The following MPPED1 variants were observed in gnomAD, a reference collection of about 807,000 sequenced individuals.
MPPED1 encodes metallophosphoesterase domain containing 1, also known as metallophosphoesterase domain-containing protein 1.
Under a neutral mutation model 36.2 loss-of-function variants are expected in MPPED1, and 16 were observed. The ratio of observed to expected loss-of-function variants is 0.44; its 90% confidence interval spans 0.30 to 0.67. The LOEUF is 0.67. Ranked by LOEUF, MPPED1 falls within the 30% of genes least tolerant of loss-of-function variation. MPPED1 has a pLI of 0.10. For missense variants in MPPED1, 307 were observed against 453.4 expected, an observed-to-expected ratio of 0.68 and a Z score of 2.93; for synonymous variants, 199 against 191.3, an observed-to-expected ratio of 1.04 and a Z score of -0.33.
Position 43,474,216 on chromosome 22 carries a change from G to A in MPPED1, c.407-520G>A, listed in dbSNP as rs775008165. Reference sequence around the variant, plus strand: ...CTAGGGCTGGGGATGCAGCGTGGGGGTCTTCTTCCAGTAGAAAACTAGTCC... The same window carrying A: ...CTAGGGCTGGGGATGCAGCGTGGGGATCTTCTTCCAGTAGAAAACTAGTCC... On this transcript the variant is annotated intron_variant, in intron 3 of 6. Coordinates refer to ENST00000443721, the MANE Select transcript of MPPED1 (RefSeq NM_001044370.2). The surrounding 1 kb of genome is among the most constrained non-coding windows in gnomAD (Gnocchi z 5.2). Among the ~76,000 whole-genome samples the A allele has an allele frequency of 1.8e-4, 27 of 152,156 alleles. No individual in the cohort carries two copies. Among genetic ancestry groups the A allele is most frequent in the Non-Finnish European group, 3.7e-4 (25 of 68,036 alleles).
chr22:43,500,417 GGTGGTAATGGA>G, intron 5 of MPPED1, among the ~76,000 whole-genome samples: 1 of 151,194 alleles, frequency 6.6e-6, no homozygotes, highest in Non-Finnish European at 1.5e-5. Flanking sequence ...TGGTGATGGA[GGTGGTAATGGA>G]GGTGGTGGTG....
intron 3 of MPPED1, among the ~76,000 whole-genome samples, chr22:43,443,062 G>A (rs1253850685): frequency 6.6e-6 from 1 of 152,210 alleles, no homozygotes; most frequent in East Asian, 1.9e-4. Flanking sequence ...GTCATAGGTG[G>A]TAAATAGCAA....
intron 3 of MPPED1, among the ~76,000 whole-genome samples, chr22:43,471,718 G>T (rs954673514): frequency 6.6e-6 from 1 of 152,198 alleles, no homozygotes; most frequent in African/African-American, 2.4e-5. Flanking sequence ...ACCATGCCTG[G>T]TCGCACTGTG....
rs967872287 is a variant in MPPED1 at position 43,502,443 on chromosome 22, G to A, written c.749-201G>A. 2.6e-5 allele frequency among the ~76,000 whole-genome samples: 4 copies of A among 152,336 alleles called. No homozygotes were observed. Among genetic ancestry groups the A allele is most frequent in the African/African-American group, 9.6e-5 (4 of 41,584 alleles). ...CAGCCCTATGGAGGAGGAGGGTGAG[G>A]CTGCAAGGTCCTGAATGGTTTCAGT... On this transcript the variant is annotated intron_variant, in intron 5 of 6. Coordinates refer to ENST00000443721, the MANE Select transcript of MPPED1 (RefSeq NM_001044370.2). The surrounding 1 kb of genome is among the most constrained non-coding windows in gnomAD (Gnocchi z 5.5).
rs1395351638 is a variant in MPPED1, at chr22:43,416,883, CG to C, written c.-79+4729del. 3 of 573,724 alleles carry C rather than the reference CG, an allele frequency of 5.2e-6. No individual in the cohort carries two copies. The East Asian group carries it at 4.3e-4, about 83-fold the overall frequency. 35.5% of individuals were successfully genotyped at this position (573,724 alleles called of 1,614,324 possible). A position where few individuals can be genotyped will look rare whatever the true frequency, so the allele number is the denominator to read the frequency against. ...GAGCTTTGTGTGTTTCTTTGCGTCT[CG>C]GGGCTCGTTCTGTGCAATGGGAATG... On this transcript the variant is annotated intron_variant, in intron 1 of 6. Transcript: ENST00000443721.
At chr22:43,500,402 A>ATG (rs1410482787) in intron 5 of MPPED1, among the ~76,000 whole-genome samples, 5 of 27,976 alleles carry the variant, frequency 1.8e-4, no homozygotes, top group Non-Finnish European at 2.2e-4. Flanking sequence ...TGGAGGTGGT[A>ATG]GTGGTGGTGA....
intron 5 of MPPED1, among the ~76,000 whole-genome samples, chr22:43,499,483 T>G (rs879867941): frequency 3.4e-3 from 167 of 49,444 alleles, no homozygotes; most frequent in Middle Eastern, 0.028. Flanking sequence ...TGGTGGTGGT[T>G]ATGGGGGTGG....
intron 5 of MPPED1, among the ~76,000 whole-genome samples, chr22:43,498,833 C>A (rs1005483501): frequency 6.6e-6 from 1 of 151,980 alleles, no homozygotes; most frequent in Non-Finnish European, 1.5e-5. Flanking sequence ...GAGGTCATCC[C>A]CTCATCTGCA....
At chr22:43,463,174 TCTTTA>T (rs1931013574) in intron 3 of MPPED1, among the ~76,000 whole-genome samples, 1 of 152,008 alleles carries the variant, frequency 6.6e-6, no homozygotes, top group South Asian at 2.1e-4. Context: ...TTAATGTGGG[TCTTTA>T]CTTCATTTAT....
At chr22:43,438,614 C>T (rs890940389) in intron 3 of MPPED1, among the ~76,000 whole-genome samples, 23 of 152,118 alleles carry the variant, frequency 1.5e-4, no homozygotes, top group African/African-American at 5.1e-4. Context: ...GTTCCAGAGT[C>T]GATGTCTGGG....
At chr22:43,466,286 T>A (rs553924228) in intron 3 of MPPED1, among the ~76,000 whole-genome samples, 1 of 151,868 alleles carries the variant, frequency 6.6e-6, no homozygotes, top group Non-Finnish European at 1.5e-5. Flanking sequence ...CTGCAGCTCA[T>A]TGGGGGGTCT....
At chr22:43,479,598 G>C (rs1364842294) in intron 4 of MPPED1, among the ~76,000 whole-genome samples, 1 of 152,202 alleles carries the variant, frequency 6.6e-6, no homozygotes, top group Non-Finnish European at 1.5e-5. Context: ...GTCTGCTGTG[G>C]GTGGGCCTAG....
In MPPED1 at chr22:43,499,440, G is replaced by T. The variant is rs1382274994; in HGVS notation, c.748+1090G>T. The stretch of plus-strand genomic sequence containing the variant: ...AAGTGGTGGTGATGTGGGAGGTGGT[G>T]GTGGTGGGAGGTAGTGATGGTGATG... On this transcript the variant is annotated intron_variant, in intron 5 of 6. Transcript: ENST00000443721. 2.1e-5 allele frequency among the ~76,000 whole-genome samples: 3 copies of T among 144,930 alleles called. No homozygotes were observed. The East Asian group carries it at 6.5e-4, about 31-fold the overall frequency.
intron 4 of MPPED1, among the ~76,000 whole-genome samples, chr22:43,484,449 C>T (rs999413659): frequency 3.3e-5 from 5 of 152,208 alleles, no homozygotes; most frequent in African/African-American, 9.6e-5. Context: ...GTTCTGGCAG[C>T]TGTTGCCTGG....
intron 3 of MPPED1, among the ~76,000 whole-genome samples, chr22:43,472,163 C>A (rs1931398902): frequency 1.3e-5 from 2 of 152,266 alleles, no homozygotes; most frequent in South Asian, 2.1e-4. Context: ...GTATTTATTT[C>A]TTTATTTTTA....
chr22:43,494,578 G>A (rs983916134), intron 4 of MPPED1, among the ~76,000 whole-genome samples: 1 of 152,118 alleles, frequency 6.6e-6, no homozygotes, highest in Non-Finnish European at 1.5e-5. Context: ...CACGAATCCA[G>A]TATGACCCCA....
chr22:43,426,862 T>C (rs1929494717), intron 2 of MPPED1, among the ~76,000 whole-genome samples: 1 of 152,194 alleles, frequency 6.6e-6, no homozygotes, highest in South Asian at 2.1e-4. Context: ...GTTTTCTGTT[T>C]TTGGAGCCCG....
At chr22:43,433,108 T>C (rs1225962585) in intron 2 of MPPED1, among the ~76,000 whole-genome samples, 3 of 151,910 alleles carry the variant, frequency 2.0e-5, no homozygotes, top group African/African-American at 2.4e-5. Context: ...CTGTCTGTCA[T>C]GGGGAGTGGG....
intron 3 of MPPED1, among the ~76,000 whole-genome samples, chr22:43,465,534 G>A (rs1204549493): frequency 6.6e-6 from 1 of 152,230 alleles, no homozygotes; most frequent in Non-Finnish European, 1.5e-5. Flanking sequence ...CAAGGCAGGG[G>A]CCTCGAAGGG....
Sources: gnomAD v4.1 joint callset for allele counts (sites outside exome capture counted in the v4.1 genomes callset) on GRCh38, gnomAD v4.1.1 for gene constraint, Gnocchi (gnomAD v3.1) non-coding constraint, MANE v1.5 for transcripts, NCBI Gene and HGNC (gene_info 2026-07-23, HGNC 2026-07-21) for gene names.